EEFSEC: variants seen among roughly 807,000 people sequenced by gnomAD.
The protein encoded by EEFSEC is eukaryotic elongation factor, selenocysteine-tRNA specific.
A neutral mutation model predicts 42.1 loss-of-function variants in EEFSEC; 43 were observed. The observed-to-expected ratio is 1.02, with a 90% CI of 0.80 to 1.32. EEFSEC has a LOEUF of 1.32. Among genes scored for constraint, EEFSEC ranks in the 40% most tolerant of loss-of-function variants. EEFSEC has a pLI of 0.00. For synonymous variants in EEFSEC, 354 were observed against 339.1 expected (o/e 1.04, Z -0.48); for missense variants, 745 against 803.6 (o/e 0.93, Z 0.88).
intron 1 of EEFSEC, among the ~76,000 whole-genome samples, chr3:128,178,195 C>A (rs2065370589): frequency 6.6e-6 from 1 of 152,062 alleles, no homozygotes; most frequent in Non-Finnish European, 1.5e-5. Context: ...TAAATGAGGT[C>A]TTTTTAATTG....
intron 6 of EEFSEC, among the ~76,000 whole-genome samples, chr3:128,401,333 C>T (rs1389957473): frequency 6.6e-6 from 1 of 152,248 alleles, no homozygotes; most frequent in Non-Finnish European, 1.5e-5. Flanking sequence ...TGAATCCATA[C>T]TCATTCCCTT....
At chr3:128,203,101 AT>A (rs751070460) in intron 1 of EEFSEC, among the ~76,000 whole-genome samples, 2 of 152,196 alleles carry the variant, frequency 1.3e-5, no homozygotes, top group Non-Finnish European at 2.9e-5. Flanking sequence ...TGGCCCATGG[AT>A]CAATCAGTTG....
At chr3:128,402,499 T>C (rs543943881) in intron 6 of EEFSEC, among the ~76,000 whole-genome samples, 7 of 152,202 alleles carry the variant, frequency 4.6e-5, no homozygotes, top group Admixed American at 3.9e-4. Context: ...CAAACGGGCT[T>C]GGGAATCAGA....
intron 1 of EEFSEC, among the ~76,000 whole-genome samples, chr3:128,157,108 G>C (rs1330044616): frequency 6.6e-6 from 1 of 152,246 alleles, no homozygotes; most frequent in Non-Finnish European, 1.5e-5. Flanking sequence ...GCTTTATAGA[G>C]AAAGTTTTAG....
chr3:128,388,176 G>A (rs1490988727), intron 6 of EEFSEC, among the ~76,000 whole-genome samples: 3 of 152,170 alleles, frequency 2.0e-5, no homozygotes. Flanking sequence ...CCCGCTCTTA[G>A]AGTCTTCCTT....
At chr3:128,236,055 C>G (rs1576569305) in intron 1 of EEFSEC, among the ~76,000 whole-genome samples, 1 of 152,238 alleles carries the variant, frequency 6.6e-6, no homozygotes, top group African/African-American at 2.4e-5. Context: ...ACCTCCGCCT[C>G]CCGGGTTCAA....
At chr3:128,337,306 A>G (rs1485121516) in intron 4 of EEFSEC, among the ~76,000 whole-genome samples, 3 of 152,162 alleles carry the variant, frequency 2.0e-5, no homozygotes, top group Non-Finnish European at 4.4e-5. Context: ...CTTGATTTGC[A>G]CAGTTATTTA....
intron 3 of EEFSEC, among the ~76,000 whole-genome samples, chr3:128,263,714 C>T (rs2066322001): frequency 6.6e-6 from 1 of 152,206 alleles, no homozygotes; most frequent in Admixed American, 6.5e-5. Context: ...CAGCCTGTTC[C>T]CTTACGAAGT....
the EEFSEC span, among the ~76,000 whole-genome samples, chr3:128,420,941 G>T: frequency 6.6e-6 from 1 of 152,136 alleles, no homozygotes; most frequent in Non-Finnish European, 1.5e-5. Flanking sequence ...CCTGCCATCC[G>T]GACCCACCAC....
chr3:128,410,687 C>T (rs28437103), downstream of EEFSEC, among the ~76,000 whole-genome samples: 2,239 of 152,246 alleles, frequency 0.015, 61 homozygotes, highest in African/African-American at 0.05. Flanking sequence ...GGGAGACTTG[C>T]CAGGCACACT....
chr3:128,326,117 T>C (rs922328386), intron 4 of EEFSEC, among the ~76,000 whole-genome samples: 6 of 152,162 alleles, frequency 3.9e-5, no homozygotes, highest in African/African-American at 1.4e-4. Context: ...CATGAGGGGT[T>C]TGTCATTGTC....
intron 5 of EEFSEC, among the ~76,000 whole-genome samples, chr3:128,347,844 T>G (rs2067331301): frequency 6.6e-6 from 1 of 152,178 alleles, no homozygotes; most frequent in Non-Finnish European, 1.5e-5. Flanking sequence ...AGGGTGGCAC[T>G]TCAGAGTCCA....
chr3:128,283,479 T>A (rs2066551280), intron 4 of EEFSEC, among the ~76,000 whole-genome samples: 1 of 152,190 alleles, frequency 6.6e-6, no homozygotes, highest in African/African-American at 2.4e-5. Flanking sequence ...CTTTGTTCTG[T>A]GTGGCTCTAC....
chr3:128,376,052 C>G (rs73861054), intron 6 of EEFSEC, among the ~76,000 whole-genome samples: 10,798 of 152,266 alleles, frequency 0.071, 787 homozygotes, highest in African/African-American at 0.19. Flanking sequence ...GCTGTCCCAG[C>G]CAGGCTTCTC....
At chr3:128,380,801 A>G (rs888260751) in intron 6 of EEFSEC, among the ~76,000 whole-genome samples, 9 of 152,358 alleles carry the variant, frequency 5.9e-5, no homozygotes, top group Admixed American at 2.6e-4. Flanking sequence ...GCAGAGCAGT[A>G]TAAGAGGGTT....
intron 1 of EEFSEC, among the ~76,000 whole-genome samples, chr3:128,178,866 T>G (rs1559856469): frequency 6.6e-6 from 1 of 152,256 alleles, no homozygotes; most frequent in East Asian, 1.9e-4. Flanking sequence ...GTTATTGTTG[T>G]TACTGCTATT....
At chr3:128,160,800 A>G (rs772391368) in intron 1 of EEFSEC, among the ~76,000 whole-genome samples, 2 of 152,020 alleles carry the variant, frequency 1.3e-5, no homozygotes, top group Non-Finnish European at 2.9e-5. Context: ...GCGCACACAC[A>G]CGCGCGCACA....
intron 1 of EEFSEC, among the ~76,000 whole-genome samples, chr3:128,189,294 T>C (rs981627941): frequency 5.3e-4 from 81 of 152,284 alleles, no homozygotes; most frequent in African/African-American, 1.7e-3. Context: ...AGGTCAATGA[T>C]GGAAGGTATA....
chr3:128,415,930 G>T, the EEFSEC span, among the ~76,000 whole-genome samples: 3 of 152,232 alleles, frequency 2.0e-5, no homozygotes, highest in African/African-American at 7.2e-5. Context: ...CCTTTGGGGG[G>T]AAGTGGCTGC....
Sources: gnomAD v4.1 joint callset for allele counts (sites outside exome capture counted in the v4.1 genomes callset) on GRCh38, gnomAD v4.1.1 for gene constraint, MANE v1.5 for transcripts, NCBI Gene and HGNC (gene_info 2026-07-23, HGNC 2026-07-21) for gene names.